PCSK6: variants seen among roughly 807,000 people sequenced by gnomAD.
PCSK6 encodes proprotein convertase subtilisin/kexin type 6.
In PCSK6, 85 loss-of-function variants were observed where a neutral mutation model predicts 123.3. The observed-to-expected ratio is 0.69, with a 90% CI of 0.58 to 0.83. The LOEUF (loss-of-function observed/expected upper bound fraction) is 0.83, where lower values mean the gene tolerates loss of function less well. PCSK6 is among the 40% of genes least tolerant of loss of function. PCSK6 has a pLI of 0.00. For missense variants in PCSK6, 1,191 were observed against 1,282.3 expected (o/e 0.93, Z 1.09); for synonymous variants, 508 against 516.0 (o/e 0.98, Z 0.21).
At chr15:101,394,997 T>G (rs2042362329) in intron 7 of PCSK6, among the ~76,000 whole-genome samples, 1 of 152,220 alleles carries the variant, frequency 6.6e-6, no homozygotes, top group South Asian at 2.1e-4. Context: ...GAAGGTGGTG[T>G]GTGTGTGCAC....
At chr15:101,361,956 C>CTTTTTTTTTT (rs10639429) in intron 13 of PCSK6, among the ~76,000 whole-genome samples, 1 of 111,534 alleles carries the variant, frequency 9.0e-6, no homozygotes, top group African/African-American at 3.6e-5. Context: ...CAAGGTGAAG[C>CTTTTTTTTTT]TTTTTTTTTT....
intron 11 of PCSK6, among the ~76,000 whole-genome samples, chr15:101,375,145 G>A (rs2041697753): frequency 6.6e-6 from 1 of 152,030 alleles, no homozygotes; most frequent in Non-Finnish European, 1.5e-5. Context: ...TAGAGATGGG[G>A]TTTCCCCATG....
chr15:101,344,796 T>C (rs545484494), intron 13 of PCSK6, among the ~76,000 whole-genome samples: 1 of 152,256 alleles, frequency 6.6e-6, no homozygotes, highest in South Asian at 2.1e-4. Context: ...GGACTACTAT[T>C]AGGCACACAC....
chr15:101,366,436 GGACCGTACCCCCAGGGTAGCGGGGGTC>G, intron 12 of PCSK6, 104 bp from the exon 13 acceptor site: 2 of 1,221,380 alleles, frequency 1.6e-6, no homozygotes, highest in Non-Finnish European at 2.3e-6. Flanking sequence ...TGACCTGGCT[GGACCGTACCCCCAGGGTAGCGGGGGTC>G]TGGCCCCAGC....
chr15:101,332,977 C>A (rs112665240), intron 13 of PCSK6, among the ~76,000 whole-genome samples: 82 of 152,336 alleles, frequency 5.4e-4, no homozygotes, highest in African/African-American at 1.9e-3. Context: ...CAGATGCATT[C>A]AGTACACTCC....
At chr15:101,445,676 CAT>C (rs1169216758) in intron 1 of PCSK6, among the ~76,000 whole-genome samples, 2 of 152,220 alleles carry the variant, frequency 1.3e-5, no homozygotes, top group Non-Finnish European at 2.9e-5. Context: ...GTTTAATCAA[CAT>C]GTTTGCTCAT....
chr15:101,458,321 A>G lies in PCSK6; in HGVS notation c.298-14661T>C, dbSNP rs981375747. On this transcript the variant is annotated intron_variant, in intron 1 of 21. Coordinates refer to ENST00000611716, the MANE Select transcript of PCSK6 (RefSeq NM_002570.5). ...CCCAGTGGGTTTGAGTCTCTGCAGCAGACAGCGCACATGTTGAAAGGGGTT... is the reference window on the plus strand; with the variant it reads ...CCCAGTGGGTTTGAGTCTCTGCAGCGGACAGCGCACATGTTGAAAGGGGTT... Among the ~76,000 whole-genome samples the G allele has an allele frequency of 2.0e-5, 3 of 152,202 alleles. No homozygotes were observed. In the East Asian group the frequency reaches 5.8e-4, roughly 29 times the overall value.
intron 1 of PCSK6, among the ~76,000 whole-genome samples, chr15:101,457,912 A>G (rs1011261257): frequency 6.6e-5 from 10 of 152,196 alleles, no homozygotes; most frequent in Admixed American, 6.5e-4. Flanking sequence ...TGTAAAACAC[A>G]TTCTGGCCTT....
intron 7 of PCSK6, among the ~76,000 whole-genome samples, chr15:101,396,526 T>C (rs958152319): frequency 6.6e-6 from 1 of 152,184 alleles, no homozygotes; most frequent in African/African-American, 2.4e-5. Flanking sequence ...CTCCGAAGCT[T>C]AAATTCAGCT....
chr15:101,305,189 G>C lies in PCSK6; in HGVS notation c.*69C>G. 2 of 1,318,676 alleles carry C rather than the reference G, an allele frequency of 1.5e-6. No homozygotes were observed. The highest frequency in any genetic ancestry group is 2.4e-5 in the East Asian group (1 of 40,840). 81.7% of individuals were successfully genotyped at this position (1,318,676 alleles called of 1,614,324 possible). A position where few individuals can be genotyped will look rare whatever the true frequency, so the allele number is the denominator to read the frequency against. On this transcript the variant is annotated 3_prime_UTR_variant, in exon 22 of 22. Coordinates refer to ENST00000611716, the MANE Select transcript of PCSK6 (RefSeq NM_002570.5). This position sits in a 1 kb window ranked among gnomAD's most constrained non-coding sequence, Gnocchi z 4.8. ...GCCGCTCCTGAAACAGACTCTGGCC[G>C]ACAGTCTGGAGGAAGGTGGACGGAT...
chr15:101,363,542 A>G (rs1284887114), intron 13 of PCSK6, among the ~76,000 whole-genome samples: 1 of 152,262 alleles, frequency 6.6e-6, no homozygotes, highest in Non-Finnish European at 1.5e-5. Context: ...GGCTTTTAAA[A>G]GAAAGAATTT....
intron 11 of PCSK6, among the ~76,000 whole-genome samples, chr15:101,372,548 G>C (rs724541): frequency 0.44 from 67,258 of 152,050 alleles, 15,715 homozygotes; most frequent in East Asian, 0.69. Context: ...GCGGTAGATG[G>C]CGAACACAAG....
intron 6 of PCSK6, among the ~76,000 whole-genome samples, chr15:101,423,659 A>G (rs1032249031): frequency 6.6e-6 from 1 of 152,226 alleles, no homozygotes; most frequent in African/African-American, 2.4e-5. Flanking sequence ...CAGAGAAAAA[A>G]GGGTTAAAAA....
At chr15:101,475,846 C>A (rs925865041) in intron 1 of PCSK6, among the ~76,000 whole-genome samples, 2 of 152,074 alleles carry the variant, frequency 1.3e-5, no homozygotes, top group African/African-American at 4.8e-5. Context: ...AAACAACCAC[C>A]AGATCTCATT....
In PCSK6 at chr15:101,358,067, C is replaced by T. The variant is rs374218405; in HGVS notation, c.1858+8129G>A. On this transcript the variant is annotated intron_variant, in intron 13 of 21. Transcript: ENST00000611716. ...GAGGACTGTCTCGGCCTGACATCCC[C>T]GTCGCTTGCCCAGTGGATCGGGTGG... Among the ~76,000 whole-genome samples the T allele has an allele frequency of 1.4e-4, 21 of 152,276 alleles. No homozygotes were observed. The South Asian group carries it at 2.7e-3, about 20-fold the overall frequency.
At chr15:101,351,200 C>G (rs569420503) in intron 13 of PCSK6, among the ~76,000 whole-genome samples, 1 of 152,076 alleles carries the variant, frequency 6.6e-6, no homozygotes, top group South Asian at 2.1e-4. Flanking sequence ...ATATGGAAAT[C>G]GACAAATGCT....
rs189678856 is a variant in PCSK6 at position 101,364,232 on chromosome 15, G to A, written c.1858+1964C>T. Among the ~76,000 whole-genome samples, 58 of 152,286 alleles carry A rather than the reference G, an allele frequency of 3.8e-4. 1 individual carries two copies. In the East Asian group the frequency reaches 7.7e-3, roughly 20 times the overall value. ...CTTCACAGAAAAGGGCACAGGGAAC[G>A]ACGGAACAGTGAAAGCAAACCTTGA... is the stretch of plus-strand genomic sequence containing the variant. On this transcript the variant is annotated intron_variant, in intron 13 of 21. Coordinates refer to ENST00000611716, the MANE Select transcript of PCSK6 (RefSeq NM_002570.5).
chr15:101,354,781 T>G (rs914467046), intron 13 of PCSK6, among the ~76,000 whole-genome samples: 1 of 152,212 alleles, frequency 6.6e-6, no homozygotes, highest in African/African-American at 2.4e-5. Context: ...TCGCCCACCC[T>G]CTTCCTACTC....
At chr15:101,475,003 A>G (rs771463842) in intron 1 of PCSK6, among the ~76,000 whole-genome samples, 2 of 152,036 alleles carry the variant, frequency 1.3e-5, no homozygotes, top group African/African-American at 2.4e-5. Flanking sequence ...ACACACCCCC[A>G]CTTCCCATTC....
Sources: allele counts gnomAD v4.1 joint callset (sites outside exome capture counted in the v4.1 genomes callset), GRCh38; gene constraint gnomAD v4.1.1; non-coding constraint Gnocchi (gnomAD v3.1); transcripts MANE v1.5; gene names NCBI Gene and HGNC (gene_info 2026-07-23, HGNC 2026-07-21).